The following FAM149B1 variants were observed in gnomAD, a reference collection of about 807,000 sequenced individuals.
FAM149B1 encodes primary cilium assembly protein FAM149B1.
In FAM149B1, 56 loss-of-function variants were observed where a neutral mutation model predicts 75.3. That is an observed-to-expected ratio of 0.74 (90% CI 0.60 to 0.93). FAM149B1 has a LOEUF of 0.93. FAM149B1 is among the 40% of genes least tolerant of loss of function. FAM149B1 has a pLI of 0.00. For missense variants in FAM149B1, 639 were observed against 708.4 expected, an observed-to-expected ratio of 0.90 and a Z score of 1.11; for synonymous variants, 259 against 256.1, an observed-to-expected ratio of 1.01 and a Z score of -0.11.
intron 7 of FAM149B1, among the ~76,000 whole-genome samples, chr10:73,213,322 T>C (rs2043230484): frequency 6.6e-6 from 1 of 152,232 alleles, no homozygotes; most frequent in Non-Finnish European, 1.5e-5. Flanking sequence ...CAGAAGCTTT[T>C]TAGTTTAATT....
At chr10:73,230,269 C>A (rs1042202954) in intron 8 of FAM149B1, 153 bp from the exon 9 acceptor site, 2 of 551,552 alleles carry the variant, frequency 3.6e-6, no homozygotes, top group African/African-American at 3.8e-5. Flanking sequence ...TGACTTGGGG[C>A]CCCAGCTACG....
chr10:73,174,867 G>A, intron 2 of FAM149B1, 76 bp downstream of exon 2: 3 of 974,188 alleles, frequency 3.1e-6, no homozygotes, highest in Non-Finnish European at 4.8e-6. Context: ...CTTAAGATTG[G>A]TGTCAAGCCT....
intron 5 of FAM149B1, among the ~76,000 whole-genome samples, chr10:73,194,374 G>A (rs7918110): frequency 0.054 from 8,221 of 152,108 alleles, 654 homozygotes; most frequent in African/African-American, 0.17. Context: ...AAAAAAAGTT[G>A]AAAAAGTGAT....
intron 3 of FAM149B1, among the ~76,000 whole-genome samples, chr10:73,178,739 T>C (rs1245214756): frequency 6.6e-6 from 1 of 152,200 alleles, no homozygotes; most frequent in African/African-American, 2.4e-5. Flanking sequence ...TTTATATAAA[T>C]TCTGCCTATA....
Position 73,235,219 on chromosome 10 carries a change from T to C in FAM149B1, c.1503T>C (p.Ala501=). Reference sequence around the variant, plus strand: ...AACCCCATGGCGACTCTAGTCGAGCTCAAAGTGCGGTGGTGGATGAACCTA... The same window carrying C: ...AACCCCATGGCGACTCTAGTCGAGCCCAAAGTGCGGTGGTGGATGAACCTA... ...QMKPHGDSSR[A]QSAVVDEPNY... is the part of the protein sequence containing the mutation. The change falls in exon 12 of 14, where the codon GCT becomes GCC. Residue 501 remains alanine (A), a synonymous_variant. Coordinates refer to ENST00000242505, the MANE Select transcript of FAM149B1 (RefSeq NM_173348.2). The C allele has an allele frequency of 6.4e-7, 1 of 1,551,738 alleles. No individual in the cohort carries two copies. The highest frequency in any genetic ancestry group is 8.7e-7 in the Non-Finnish European group (1 of 1,146,962).
chr10:73,219,517 G>T (rs80257245), intron 7 of FAM149B1, among the ~76,000 whole-genome samples: 6,797 of 152,228 alleles, frequency 0.045, 474 homozygotes, highest in African/African-American at 0.15. Flanking sequence ...CTACAAAACT[G>T]CAGTAATCAA....
At chr10:73,174,898 A>G (rs1843878943) in intron 2 of FAM149B1, 107 bp downstream of exon 2, 1 of 729,698 alleles carries the variant, frequency 1.4e-6, no homozygotes, top group Non-Finnish European at 2.3e-6. Context: ...AAAACAAAGC[A>G]AGAATTTTTG....
chr10:73,224,044 T>C (rs1253139741), intron 7 of FAM149B1, among the ~76,000 whole-genome samples: 3 of 152,236 alleles, frequency 2.0e-5, no homozygotes, highest in Admixed American at 2.0e-4. Context: ...TTTATTGTAT[T>C]GTAACTGTAA....
chr10:73,192,118 T>G (rs1372532592), intron 3 of FAM149B1: 1 of 158,234 alleles, frequency 6.3e-6, no homozygotes, highest in Non-Finnish European at 1.4e-5. Flanking sequence ...CAGGCTGGTC[T>G]TGAACTCCTG....
In FAM149B1 at chr10:73,234,921, T is replaced by G. The variant is rs1392424508; in HGVS notation, c.1457T>G (p.Val486Gly). 2 of 1,552,074 alleles carry G rather than the reference T, an allele frequency of 1.3e-6. No individual in the cohort carries two copies. Among genetic ancestry groups the G allele is most frequent in the Non-Finnish European group, 8.7e-7 (1 of 1,147,068 alleles). Reference protein sequence around the residue: ...GTAEVEHVSTVGPQRQMKPHG... With the variant: ...GTAEVEHVSTGGPQRQMKPHG... ...GCTGAAGTGGAACATGTGAGCACTG[T>G]GGGGCCACAAAGACAGATGGTATGT... The change falls in exon 11 of 14, where the codon GTG becomes GGG. Residue 486 changes from valine (V) to glycine (G), a missense_variant. Coordinates refer to ENST00000242505, the MANE Select transcript of FAM149B1 (RefSeq NM_173348.2).
chr10:73,210,621 G>C (rs1432319039), intron 7 of FAM149B1, among the ~76,000 whole-genome samples, 183 bp downstream of exon 7: 1 of 152,000 alleles, frequency 6.6e-6, no homozygotes, highest in African/African-American at 2.4e-5. Flanking sequence ...CCAGGAGTTT[G>C]AGACCAGCCT....
At chr10:73,179,463 T>C (rs1290355243) in intron 3 of FAM149B1, among the ~76,000 whole-genome samples, 1 of 152,072 alleles carries the variant, frequency 6.6e-6, no homozygotes, top group Non-Finnish European at 1.5e-5. Context: ...TCACGCAGGC[T>C]GGAGTGCTGT....
chr10:73,238,342 T>A (rs2043869019), intron 12 of FAM149B1, among the ~76,000 whole-genome samples: 1 of 152,094 alleles, frequency 6.6e-6, no homozygotes, highest in Admixed American at 6.5e-5. Context: ...GCGAGAAGAC[T>A]CTGTCCCCCC....
chr10:73,171,432 A>G (rs1249612577), intron 1 of FAM149B1, among the ~76,000 whole-genome samples: 6 of 152,140 alleles, frequency 3.9e-5, no homozygotes, highest in Non-Finnish European at 7.4e-5. Context: ...TTAGTTTTCT[A>G]CCTAGCCATT....
At chr10:73,207,246 C>T (rs879431478) in intron 5 of FAM149B1, among the ~76,000 whole-genome samples, 5 of 152,114 alleles carry the variant, frequency 3.3e-5, no homozygotes, top group African/African-American at 7.2e-5. Flanking sequence ...GATAGATTCA[C>T]CTTGCACCCT....
chr10:73,170,193 G>A (rs1843652128), intron 1 of FAM149B1, among the ~76,000 whole-genome samples: 1 of 152,090 alleles, frequency 6.6e-6, no homozygotes, highest in Admixed American at 6.6e-5. Context: ...CAATATAGGA[G>A]TAACACCTTA....
chr10:73,243,806 G>T lies in FAM149B1; in HGVS notation c.*2787G>T. On this transcript the variant is annotated 3_prime_UTR_variant, in exon 14 of 14. Coordinates refer to ENST00000242505, the MANE Select transcript of FAM149B1 (RefSeq NM_173348.2). ...AAGAAAATATTAGCAGTAGGAATCA[G>T]ATCATTAAAGATGTGGCAACAAACT... The T allele has an allele frequency of 9.7e-6, 15 of 1,547,256 alleles. No homozygotes were observed. The highest frequency in any genetic ancestry group is 1.2e-5 in the Non-Finnish European group (14 of 1,125,338).
chr10:73,169,607 C>A (rs554954488), intron 1 of FAM149B1, among the ~76,000 whole-genome samples: 2 of 152,062 alleles, frequency 1.3e-5, no homozygotes, highest in South Asian at 4.2e-4. Flanking sequence ...CAGGTGCACA[C>A]CACCACAACT....
chr10:73,175,504 C>A (rs529867390), intron 2 of FAM149B1, among the ~76,000 whole-genome samples: 10 of 151,754 alleles, frequency 6.6e-5, no homozygotes, highest in Admixed American at 1.3e-4. Context: ...CCCGTCTCTA[C>A]TAAAAATACA....
Sources: allele counts gnomAD v4.1 joint callset (sites outside exome capture counted in the v4.1 genomes callset), GRCh38; gene constraint gnomAD v4.1.1; transcripts MANE v1.5; gene names NCBI Gene and HGNC (gene_info 2026-07-23, HGNC 2026-07-21).